C4orf17: variants seen among roughly 807,000 people sequenced by gnomAD.
The protein encoded by C4orf17 is uncharacterized protein C4orf17.
C4orf17 carries 25 observed loss-of-function variants against 32.0 expected under a neutral mutation model. That is an observed-to-expected ratio of 0.78 (90% CI 0.57 to 1.09). The LOEUF (loss-of-function observed/expected upper bound fraction) is 1.09. Ranked by LOEUF, C4orf17 falls within the 50% of genes least tolerant of loss-of-function variation. The pLI, the probability that C4orf17 is intolerant of heterozygous loss-of-function variation, is 0.00. For synonymous variants in C4orf17, 149 were observed against 145.8 expected (o/e 1.02, Z -0.16); for missense variants, 420 against 420.0 (o/e 1.00, Z 0.00).
At chr4:99,524,373 G>A in intron 3 of C4orf17, 148 bp from the exon 4 acceptor site, 1 of 543,390 alleles carries the variant, frequency 1.8e-6, no homozygotes. Flanking sequence ...CCATTTACCT[G>A]CAAATTTCCT....
Position 99,524,558 on chromosome 4 carries a change from C to T in C4orf17, c.375C>T (p.Ser125=), listed in dbSNP as rs141736984. 88 of 1,603,816 alleles carry T rather than the reference C, an allele frequency of 5.5e-5. No individual in the cohort carries two copies. The highest frequency in any genetic ancestry group is 7.5e-5 in the Non-Finnish European group (88 of 1,172,336). Residue 125 remains serine, a synonymous_variant, in exon 4 of 9, where the codon TCC becomes TCT. Coordinates refer to ENST00000326581, the MANE Select transcript of C4orf17 (RefSeq NM_032149.3). ...AAATTAAAGAGTGCTTCAAAACTTCCAGTGAGAATCCCTTAGTAATTAAAA... is the reference window on the plus strand; with the variant it reads ...AAATTAAAGAGTGCTTCAAAACTTCTAGTGAGAATCCCTTAGTAATTAAAA... ...SRKIKECFKT[S]SENPLVIKKE... is the part of the protein sequence containing the mutation.
chr4:99,536,976 AG>A (rs1723572856), intron 5 of C4orf17, among the ~76,000 whole-genome samples: 1 of 152,116 alleles, frequency 6.6e-6, no homozygotes, highest in South Asian at 2.1e-4. Flanking sequence ...TTCTTCCCTC[AG>A]AACATCAGGT....
intron 2 of C4orf17, among the ~76,000 whole-genome samples, chr4:99,516,556 T>C (rs1723184281): frequency 6.6e-6 from 1 of 152,216 alleles, no homozygotes; most frequent in Non-Finnish European, 1.5e-5. Flanking sequence ...ACTATCTGGC[T>C]GGTCCAGCCA....
chr4:99,523,721 T>C (rs1018669300), intron 3 of C4orf17, among the ~76,000 whole-genome samples: 2 of 152,090 alleles, frequency 1.3e-5, no homozygotes, highest in African/African-American at 4.8e-5. Context: ...TATAAATTAA[T>C]GTAAAGGGAA....
At position 99,540,437 on chromosome 4, in the gene C4orf17, A is replaced by G; in HGVS notation, c.862A>G (p.Asn288Asp). 1 of 1,612,032 alleles carries G rather than the reference A, an allele frequency of 6.2e-7. No individual in the cohort carries two copies. Among genetic ancestry groups the G allele is most frequent in the Non-Finnish European group, 8.5e-7 (1 of 1,178,528 alleles). ...AGTGTCAAGTCAAGGATCTGAAGAAAACAAGGAAGTACCAAAAGGTTAAGT... is the reference window on the plus strand; with the variant it reads ...AGTGTCAAGTCAAGGATCTGAAGAAGACAAGGAAGTACCAAAAGGTTAAGT... ...TRVSSQGSEE[N>D]KEVPKEAEHK... The change falls in exon 8 of 9, where the codon AAC becomes GAC. Residue 288 changes from asparagine (N) to aspartate (D), a missense_variant. Physicochemically the swap from Asn to Asp is conservative, Grantham distance 23 (BLOSUM62 1). Coordinates refer to ENST00000326581, the MANE Select transcript of C4orf17 (RefSeq NM_032149.3).
intron 4 of C4orf17, among the ~76,000 whole-genome samples, chr4:99,527,829 T>A (rs1723416576): frequency 6.6e-6 from 1 of 152,234 alleles, no homozygotes; most frequent in Non-Finnish European, 1.5e-5. Flanking sequence ...TGTGGATTTT[T>A]AAATTTCTCT....
chr4:99,513,037 CT>C lies in C4orf17; in HGVS notation c.-41del, dbSNP rs766838043. The C allele has an allele frequency of 1.9e-6, 3 of 1,610,360 alleles. No homozygotes were observed. The highest frequency in any genetic ancestry group is 8.5e-7 in the Non-Finnish European group (1 of 1,177,984). ...GGTCAATCAAGTTAGACCCCAAAAA[CT>C]TTTGTGACAACAGTGAAGAGGGGAA... is the stretch of plus-strand genomic sequence containing the variant. On this transcript the variant is annotated 5_prime_UTR_variant, in exon 2 of 9. Coordinates refer to ENST00000326581, the MANE Select transcript of C4orf17 (RefSeq NM_032149.3).
At chr4:99,538,710 A>G (rs2110174460) in intron 6 of C4orf17, among the ~76,000 whole-genome samples, 1 of 152,326 alleles carries the variant, frequency 6.6e-6, no homozygotes, top group Non-Finnish European at 1.5e-5. Flanking sequence ...GAGACAGAAA[A>G]AAAATAATCA....
intron 2 of C4orf17, among the ~76,000 whole-genome samples, chr4:99,516,163 T>C (rs1048640118): frequency 6.6e-6 from 1 of 152,190 alleles, no homozygotes; most frequent in African/African-American, 2.4e-5. Flanking sequence ...ATTTCAAACA[T>C]ATAACAAACT....
chr4:99,518,567 A>ATT (rs1723233033), intron 2 of C4orf17, among the ~76,000 whole-genome samples: 1 of 130,504 alleles, frequency 7.7e-6, no homozygotes, highest in Non-Finnish European at 1.6e-5. Flanking sequence ...AGAGAGAGAG[A>ATT]GAGAGAGAGA....
At chr4:99,521,013 A>G (rs2110167674) in intron 2 of C4orf17, among the ~76,000 whole-genome samples, 1 of 152,326 alleles carries the variant, frequency 6.6e-6, no homozygotes, top group East Asian at 1.9e-4. Context: ...TGTAATTCCA[A>G]AGTTAATTTG....
At chr4:99,516,829 T>C (rs1053061820) in intron 2 of C4orf17, among the ~76,000 whole-genome samples, 2 of 152,172 alleles carry the variant, frequency 1.3e-5, no homozygotes, top group Non-Finnish European at 2.9e-5. Flanking sequence ...TCTACATTCA[T>C]GGTTTTTACT....
chr4:99,528,383 GT>G (rs912729857), intron 4 of C4orf17, among the ~76,000 whole-genome samples: 6 of 151,902 alleles, frequency 3.9e-5, no homozygotes, highest in Admixed American at 6.6e-5. Flanking sequence ...TCTTATTGCT[GT>G]TTTTCTAACT....
intron 2 of C4orf17, among the ~76,000 whole-genome samples, chr4:99,518,504 AAAAAAAAAAAAAAAATATATATATATAT>A (rs1723224909): frequency 2.9e-5 from 2 of 68,746 alleles, no homozygotes; most frequent in African/African-American, 1.6e-4. Flanking sequence ...AAAAAAAAAA[AAAAAAAAAAAAAAAATATATATATATAT>A]ATATATATAT....
intron 4 of C4orf17, among the ~76,000 whole-genome samples, chr4:99,525,686 T>C (rs1195230231): frequency 6.6e-6 from 1 of 151,450 alleles, no homozygotes; most frequent in Non-Finnish European, 1.5e-5. Context: ...TCCCAGCTAC[T>C]GGGAGGCTGA....
chr4:99,524,647 C>A, intron 4 of C4orf17, 62 bp downstream of exon 4: 1 of 991,802 alleles, frequency 1.0e-6, no homozygotes, highest in Admixed American at 2.3e-5. Flanking sequence ...CTCTCCTTTT[C>A]TTTACATACC....
intron 3 of C4orf17, among the ~76,000 whole-genome samples, chr4:99,523,431 T>C (rs1723330695): frequency 6.6e-6 from 1 of 152,198 alleles, no homozygotes; most frequent in South Asian, 2.1e-4. Flanking sequence ...ATAAGAGTGG[T>C]CAATTATAGA....
At chr4:99,513,298 C>A in intron 2 of C4orf17, 90 bp downstream of exon 2, 2 of 1,495,412 alleles carry the variant, frequency 1.3e-6, no homozygotes, top group Non-Finnish European at 9.2e-7. Context: ...CGCTGCTATT[C>A]AAAATATTTA....
chr4:99,517,774 T>G (rs1364455891), intron 2 of C4orf17, among the ~76,000 whole-genome samples: 1 of 152,160 alleles, frequency 6.6e-6, no homozygotes, highest in East Asian at 1.9e-4. Context: ...AAATACCCTC[T>G]ATAGACCAAA....
Sources: allele counts gnomAD v4.1 joint callset (sites outside exome capture counted in the v4.1 genomes callset), GRCh38; gene constraint gnomAD v4.1.1; transcripts MANE v1.5; gene names NCBI Gene and HGNC (gene_info 2026-07-23, HGNC 2026-07-21).